KRT2: variants seen among roughly 807,000 people sequenced by gnomAD.
KRT2 encodes the protein keratin, type II cytoskeletal 2 epidermal.
A neutral mutation model predicts 48.5 loss-of-function variants in KRT2; 37 were observed. The ratio of observed to expected loss-of-function variants is 0.76; its 90% CI spans 0.59 to 1.00. KRT2 has a LOEUF of 1.00. Among genes scored for constraint, KRT2 ranks in the 50% least tolerant of loss-of-function variants. The pLI is 0.00. For synonymous variants in KRT2, 324 were observed against 312.2 expected, an observed-to-expected ratio of 1.04 and a Z score of -0.40; for missense variants, 880 against 815.2, an observed-to-expected ratio of 1.08 and a Z score of -0.97.
chr12:52,649,331 C>T (rs1289883526), intron 3 of KRT2, among the ~76,000 whole-genome samples: 1 of 152,182 alleles, frequency 6.6e-6, no homozygotes, highest in African/African-American at 2.4e-5. Context: ...ATCAGAGCCT[C>T]GAGATGACCA....
In KRT2 at chr12:52,647,729, C is replaced by T. The variant is rs1941188639; in HGVS notation, c.1248+1G>A. ...CCTCGCTGGACAGGGCTGGGCCTCA[C>T]CTGCTTCTTCACATGTGCGATCTCC... On this transcript the variant is annotated splice_donor_variant, in intron 6 of 8. Transcript: ENST00000309680. LOFTEE classifies it high-confidence loss of function. 1 of 1,613,762 alleles carries T rather than the reference C, an allele frequency of 6.2e-7. No individual in the cohort carries two copies. Among genetic ancestry groups the T allele is most frequent in the Non-Finnish European group, 8.5e-7 (1 of 1,179,882 alleles).
chr12:52,650,643 T>C lies in KRT2; in HGVS notation c.586-90A>G, dbSNP rs638587. ...GGCCAGGGGCAGCTCAGGTGCTGCT[T>C]CAGGACCTCGAGAAGTGTCTGAGGC... On this transcript the variant is annotated intron_variant, in intron 1 of 8. Transcript: ENST00000309680. 127,877 of 1,029,454 alleles carry C rather than the reference T, an allele frequency of 0.12. 9,108 individuals are homozygous for C. Among genetic ancestry groups the C allele is most frequent in the Middle Eastern group, 0.21 (698 of 3,358 alleles). The allele number at this position is 1,029,454 out of a possible 1,614,324, so 63.8% of individuals were successfully genotyped here. A position where few individuals can be genotyped will look rare whatever the true frequency, so the allele number is the denominator to read the frequency against.
intron 4 of KRT2, 51 bp from the exon 5 acceptor site, chr12:52,648,388 A>T: frequency 3.3e-6 from 5 of 1,500,138 alleles, no homozygotes; most frequent in Non-Finnish European, 4.6e-6. Flanking sequence ...AGCTACAGGC[A>T]GACAGGAGGC....
rs1038084296 is a variant in KRT2 at position 52,652,080 on chromosome 12, G to A, written c.63C>T (p.Gly21=). The change falls in exon 1 of 9, where the codon GGC becomes GGT. Residue 21 remains glycine (G), a synonymous_variant. Coordinates refer to ENST00000309680, the MANE Select transcript of KRT2 (RefSeq NM_000423.3). ...GRGGGGGGFR[G]FSSGSAVVSG... ...ACACCACAGCTGAGCCGCTGCTGAAGCCCCGGAATCCTCCTCCACCTCCTC... is the reference window on the plus strand; with the variant it reads ...ACACCACAGCTGAGCCGCTGCTGAAACCCCGGAATCCTCCTCCACCTCCTC... 2 of 1,597,940 alleles carry A rather than the reference G, an allele frequency of 1.3e-6. No homozygotes were observed. Among genetic ancestry groups the A allele is most frequent in the Admixed American group, 1.7e-5 (1 of 59,556 alleles).
At chr12:52,650,097 C>A in intron 2 of KRT2, 123 bp from the exon 3 acceptor site, 2 of 817,868 alleles carry the variant, frequency 2.4e-6, no homozygotes, top group East Asian at 5.1e-5. Context: ...TTTTAAATAT[C>A]TAAATTGAAA....
rs1941199950 is a variant in KRT2, at chr12:52,648,316, T to G, written c.979A>C (p.Ser327Arg). 1.9e-6 allele frequency: 3 copies of G among 1,614,086 alleles called. No individual in the cohort carries two copies. Among genetic ancestry groups the G allele is most frequent in the Non-Finnish European group, 2.5e-6 (3 of 1,179,940 alleles). ...AGGATGACGTTGGTGTCAGTGACAC[T>G]CTGATGTATCTGGGATATCTCCTAC... ...YDAEISQIHQSVTDTNVILSM... is the reference protein window; with the variant it reads ...YDAEISQIHQRVTDTNVILSM... Residue 327 changes from serine to arginine, a missense_variant, in exon 5 of 9, where the codon AGT (serine) becomes CGT (arginine). Physicochemically the swap from Ser to Arg is moderately radical, Grantham distance 110. Coordinates refer to ENST00000309680, the MANE Select transcript of KRT2 (RefSeq NM_000423.3).
At chr12:52,645,628 TG>T (rs999473171) in intron 7 of KRT2, 59 bp from the exon 8 acceptor site, 7 of 1,562,842 alleles carry the variant, frequency 4.5e-6, no homozygotes, top group Non-Finnish European at 6.2e-6. Flanking sequence ...GTATGCATGT[TG>T]TTTTACCACT....
Position 52,645,164 on chromosome 12 carries a change from C to T in KRT2, c.1775G>A (p.Gly592Glu). 2 of 1,614,106 alleles carry T rather than the reference C, an allele frequency of 1.2e-6. No homozygotes were observed. The highest frequency in any genetic ancestry group is 1.7e-5 in the Admixed American group (1 of 60,016). Residue 592 changes from glycine to glutamate, a missense_variant, in exon 9 of 9, where the codon GGA becomes GAA. Coordinates refer to ENST00000309680, the MANE Select transcript of KRT2 (RefSeq NM_000423.3). The part of the protein sequence containing the change: ...GSISGGGYGS[G>E]GGKHSSGGGS... ...ACCTCCAGAGCTGTGTTTTCCACCT[C>T]CAGAGCCATATCCTCCTCCAGAGAT...
intron 3 of KRT2, among the ~76,000 whole-genome samples, chr12:52,649,415 G>A (rs557704402): frequency 2.2e-4 from 33 of 152,218 alleles, no homozygotes; most frequent in African/African-American, 7.2e-4. Flanking sequence ...TGTTCTTTGT[G>A]GGTTTCCACA....
chr12:52,645,505 C>T, intron 8 of KRT2, 30 bp downstream of exon 8: 1 of 1,614,098 alleles, frequency 6.2e-7, no homozygotes, highest in Non-Finnish European at 8.5e-7. Flanking sequence ...CACAACACCC[C>T]ATGGAACAGG....
In KRT2 at chr12:52,644,657, C is replaced by A; in HGVS notation, c.*362G>T. 2.9e-6 allele frequency: 1 copy of A among 339,484 alleles called. No homozygotes were observed. The highest frequency in any genetic ancestry group is 5.5e-6 in the Non-Finnish European group (1 of 181,498). The allele number at this position is 339,484 out of a possible 1,614,324, so 21.0% of individuals were successfully genotyped here. A position where few individuals can be genotyped will look rare whatever the true frequency, so the allele number is the denominator to read the frequency against. ...TATATACACAGAAACACATTTCCCC[C>A]CAGCACTGCCAGGCTTAGAGATGAA... On this transcript the variant is annotated 3_prime_UTR_variant, in exon 9 of 9. Transcript: ENST00000309680.
chr12:52,650,206 A>G, intron 2 of KRT2, 133 bp downstream of exon 2: 1 of 868,550 alleles, frequency 1.2e-6, no homozygotes, highest in African/African-American at 1.6e-5. Context: ...CCTCACAAAT[A>G]ATCAACAAAG....
intron 7 of KRT2, among the ~76,000 whole-genome samples, chr12:52,645,860 C>T (rs972995680): frequency 1.3e-5 from 2 of 152,194 alleles, no homozygotes; most frequent in African/African-American, 2.4e-5. Context: ...TACTTTGCAA[C>T]CCATTTGTGT....
At chr12:52,646,658 C>A in intron 7 of KRT2, 82 bp downstream of exon 7, 1 of 1,504,518 alleles carries the variant, frequency 6.6e-7, no homozygotes, top group Non-Finnish European at 9.2e-7. Flanking sequence ...TCTCTGCTTT[C>A]CCTGTCTTTG....
At position 52,644,997 on chromosome 12, in the gene KRT2, CGGT is replaced by C. The variant is rs1376141845; in HGVS notation, c.*19_*21del. ...GTGGGAGAGTCTGGGTTGGGAGAGT[CGGT>C]GGTGGTGGGGGCTCATCTTTATCTA... On this transcript the variant is annotated 3_prime_UTR_variant, in exon 9 of 9. Coordinates refer to ENST00000309680, the MANE Select transcript of KRT2 (RefSeq NM_000423.3). 4 of 1,613,510 alleles carry C rather than the reference CGGT, an allele frequency of 2.5e-6. No homozygotes were observed.
In KRT2 at chr12:52,644,843, G is replaced by A; in HGVS notation, c.*176C>T. On this transcript the variant is annotated 3_prime_UTR_variant, in exon 9 of 9. Coordinates refer to ENST00000309680, the MANE Select transcript of KRT2 (RefSeq NM_000423.3). ...AGGCGTCACTGGCTCTAACTAACTG[G>A]TTTGGAGAGAAGATCTTTCAAAAAC... The A allele has an allele frequency of 1.4e-6, 1 of 694,032 alleles. No homozygotes were observed. The highest frequency in any genetic ancestry group is 2.4e-6 in the Non-Finnish European group (1 of 412,430). 43.0% of individuals were successfully genotyped at this position (694,032 alleles called of 1,614,324 possible).
intron 6 of KRT2, among the ~76,000 whole-genome samples, chr12:52,647,320 G>A (rs752068608): frequency 2.2e-4 from 34 of 152,166 alleles, no homozygotes; most frequent in African/African-American, 7.2e-4. Flanking sequence ...CAAAGCTAAC[G>A]TCCAGCCCCA....
In KRT2 at chr12:52,650,346, TA is replaced by T; in HGVS notation, c.792del (p.Tyr264Ter). The T allele has an allele frequency of 6.2e-7, 1 of 1,613,836 alleles. No homozygotes were observed. The highest frequency in any genetic ancestry group is 8.5e-7 in the Non-Finnish European group (1 of 1,179,688). ...LNNMQDLVEDYKKKYEDEINK... is the reference protein window; with the variant it reads ...LNNMQDLVEDXKKKYEDEINK... ...TTTCACTCTGCCACCTACTTCTTCT[TA>T]TAATCCTCCACAAGATCCTGCATGT... On this transcript the variant is annotated frameshift_variant, in exon 2 of 9. Transcript: ENST00000309680. LOFTEE classifies it high-confidence loss of function.
chr12:52,649,445 C>T (rs779782749), intron 3 of KRT2, among the ~76,000 whole-genome samples: 1 of 152,138 alleles, frequency 6.6e-6, no homozygotes, highest in African/African-American at 2.4e-5. Flanking sequence ...TCTCTCATCC[C>T]GTCTGTCCAT....
Sources: gnomAD v4.1 joint callset for allele counts (sites outside exome capture counted in the v4.1 genomes callset) on GRCh38, gnomAD v4.1.1 for gene constraint, MANE v1.5 for transcripts, NCBI Gene and HGNC (gene_info 2026-07-23, HGNC 2026-07-21) for gene names.